Variants in C2orf42 observed in about 807,000 individuals in gnomAD.
C2orf42 encodes the protein chromosome 2 open reading frame 42, also known as uncharacterized protein C2orf42.
In C2orf42, 44 loss-of-function variants were observed where a neutral mutation model predicts 58.9. That is an observed-to-expected ratio of 0.75 (90% CI 0.59 to 0.96). The LOEUF (loss-of-function observed/expected upper bound fraction) is 0.96. Ranked by LOEUF, C2orf42 falls within the 40% of genes least tolerant of loss-of-function variation. C2orf42 has a pLI of 0.00. For missense variants in C2orf42, 630 were observed against 699.2 expected, an observed-to-expected ratio of 0.90 and a Z score of 1.12; for synonymous variants, 239 against 265.4, an observed-to-expected ratio of 0.90 and a Z score of 0.97.
intron 4 of C2orf42, among the ~76,000 whole-genome samples, chr2:70,178,400 A>C (rs1156596935): frequency 3.9e-5 from 6 of 152,158 alleles, no homozygotes; most frequent in African/African-American, 1.4e-4. Flanking sequence ...TGAGGTCAGG[A>C]GTTCAAGACC....
intron 1 of C2orf42, 122 bp from the exon 2 acceptor site, chr2:70,183,057 T>C (rs1674680775): frequency 6.6e-6 from 1 of 152,096 alleles, no homozygotes; most frequent in Non-Finnish European, 1.5e-5. Flanking sequence ...TTGACAGAAA[T>C]GATTATGGAA....
Position 70,186,550 on chromosome 2 carries a change from C to T in C2orf42, c.-281-3615G>A, listed in dbSNP as rs900896649. 2.6e-5 allele frequency among the ~76,000 whole-genome samples: 4 copies of T among 152,282 alleles called. No homozygotes were observed. The East Asian group carries it at 5.8e-4, about 22-fold the overall frequency. On this transcript the variant is annotated intron_variant, in intron 1 of 9. Transcript: ENST00000264434. ...TCAACCATTGTGGAAGTCAGTGTGG[C>T]GATTCCTCAGGGATCTAGAACTAGA...
intron 6 of C2orf42, among the ~76,000 whole-genome samples, chr2:70,166,294 C>A (rs1380961473): frequency 6.7e-6 from 1 of 149,630 alleles, no homozygotes; most frequent in Non-Finnish European, 1.5e-5. Flanking sequence ...GTTGAGGCTG[C>A]AGTAAGCCAT....
At chr2:70,184,634 C>G (rs566738635) in intron 1 of C2orf42, among the ~76,000 whole-genome samples, 5 of 151,710 alleles carry the variant, frequency 3.3e-5, no homozygotes, top group African/African-American at 1.2e-4. Flanking sequence ...GTACGTGCCA[C>G]TACACTCAGC....
rs749997930 is a variant in C2orf42, at chr2:70,150,572, G to A, written c.1517-8C>T. On this transcript the variant is annotated splice_region_variant and splice_polypyrimidine_tract_variant and intron_variant, in intron 9 of 9. Coordinates refer to ENST00000264434, the MANE Select transcript of C2orf42 (RefSeq NM_017880.3). ...GATCTGGGGAAGTGTTGCCTAAAGA[G>A]AAGAAAGGAGTATTAGTACAATTCC... is the stretch of plus-strand genomic sequence containing the variant. 1 of 1,603,122 alleles carries A rather than the reference G, an allele frequency of 6.2e-7. No homozygotes were observed. The highest frequency in any genetic ancestry group is 8.5e-7 in the Non-Finnish European group (1 of 1,170,108).
At chr2:70,155,875 G>T (rs1672636393) in intron 9 of C2orf42, among the ~76,000 whole-genome samples, 1 of 151,858 alleles carries the variant, frequency 6.6e-6, no homozygotes, top group Non-Finnish European at 1.5e-5. Context: ...GGTATCACTG[G>T]CCGAGTGCAG....
At chr2:70,166,248 G>T (rs920027690) in intron 6 of C2orf42, among the ~76,000 whole-genome samples, 3 of 151,452 alleles carry the variant, frequency 2.0e-5, no homozygotes, top group Non-Finnish European at 4.4e-5. Flanking sequence ...CAGCTACTTG[G>T]GAGGCTGAGG....
intron 1 of C2orf42, among the ~76,000 whole-genome samples, 156 bp from the exon 2 acceptor site, chr2:70,183,091 C>CA (rs1674683610): frequency 6.6e-6 from 1 of 151,972 alleles, no homozygotes; most frequent in South Asian, 2.1e-4. Flanking sequence ...TTTGTACTTC[C>CA]AACTGTAAGG....
chr2:70,155,996 A>G lies in C2orf42; in HGVS notation c.1516+4629T>C, dbSNP rs141161635. 8.9e-3 allele frequency among the ~76,000 whole-genome samples: 1,358 copies of G among 151,824 alleles called. 18 individuals are homozygous for G. The highest frequency in any genetic ancestry group is 0.03 in the African/African-American group (1,256 of 41,398). On this transcript the variant is annotated intron_variant, in intron 9 of 9. Transcript: ENST00000264434. ...TGTGGAGAAACCCCATCTCTACTAA[A>G]AATACAAAATTAGCTGGGCATGGTG...
At chr2:70,163,431 G>A (rs1240841342) in intron 8 of C2orf42, among the ~76,000 whole-genome samples, 1 of 151,634 alleles carries the variant, frequency 6.6e-6, no homozygotes, top group African/African-American at 2.4e-5. Context: ...ATTTTTAGTA[G>A]AGACGGGGTT....
intron 5 of C2orf42, among the ~76,000 whole-genome samples, chr2:70,175,321 C>G (rs531552256): frequency 1.3e-5 from 2 of 152,160 alleles, no homozygotes; most frequent in Non-Finnish European, 2.9e-5. Context: ...CCTCTCACCC[C>G]CTTCCACCTT....
rs573447833 is a variant in C2orf42, at chr2:70,153,507, C to T, written c.1517-2943G>A. Among the ~76,000 whole-genome samples, 168 of 150,958 alleles carry T rather than the reference C, an allele frequency of 1.1e-3. 1 individual carries two copies. The highest frequency in any genetic ancestry group is 3.9e-3 in the African/African-American group (160 of 41,214). ...CTGAGTAGCTGGGACTACAGGCGCC[C>T]GCCACCACGCCCAGCTAATTTTTTT... On this transcript the variant is annotated intron_variant, in intron 9 of 9. Transcript: ENST00000264434.
At position 70,165,179 on chromosome 2, in the gene C2orf42, T is replaced by C. The variant is rs770142151; in HGVS notation, c.1266A>G (p.Lys422=). 1.2e-5 allele frequency: 20 copies of C among 1,602,368 alleles called. No homozygotes were observed. The highest frequency in any genetic ancestry group is 1.6e-5 in the Non-Finnish European group (19 of 1,172,948). The change falls in exon 8 of 10, where the codon AAA becomes AAG. Residue 422 remains lysine (K), a synonymous_variant. Coordinates refer to ENST00000264434, the MANE Select transcript of C2orf42 (RefSeq NM_017880.3). ...AAAAGGTTCCCAGTGGCAAGGCATC[T>C]TTCCGAACAAAAGCTTCAACGTGAA... ...LPNSTTAFVR[K]DALPLGTFSK...
chr2:70,181,422 G>T lies in C2orf42; in HGVS notation c.564C>A (p.Ile188=). The T allele has an allele frequency of 6.2e-7, 1 of 1,614,126 alleles. No individual in the cohort carries two copies. The highest frequency in any genetic ancestry group is 8.5e-7 in the Non-Finnish European group (1 of 1,180,008). ...GPLVQRITKN[I]LVVKCKASQK... ...GGCTTGCCTTGCATTTCACCACCAAGATGTTTTTAGTAATTCTCTGCACCA... is the reference window on the plus strand; with the variant it reads ...GGCTTGCCTTGCATTTCACCACCAATATGTTTTTAGTAATTCTCTGCACCA... The change falls in exon 3 of 10, where the codon ATC becomes ATA. Residue 188 remains isoleucine (I), a synonymous_variant. Transcript: ENST00000264434.
chr2:70,157,239 G>A (rs1049382294), intron 9 of C2orf42, among the ~76,000 whole-genome samples: 13 of 151,940 alleles, frequency 8.6e-5, no homozygotes, highest in Non-Finnish European at 4.4e-5. Flanking sequence ...TGGATCACGA[G>A]GTCAGGAGAT....
Position 70,150,583 on chromosome 2 carries a change from T to A in C2orf42, c.1517-19A>T. 6.3e-7 allele frequency: 1 copy of A among 1,583,830 alleles called. No homozygotes were observed. Among genetic ancestry groups the A allele is most frequent in the Non-Finnish European group, 8.7e-7 (1 of 1,152,640 alleles). ...GTGTTGCCTAAAGAGAAGAAAGGAG[T>A]ATTAGTACAATTCCACCTAACTCTA... is the stretch of plus-strand genomic sequence containing the variant. On this transcript the variant is annotated intron_variant, in intron 9 of 9. Coordinates refer to ENST00000264434, the MANE Select transcript of C2orf42 (RefSeq NM_017880.3).
intron 7 of C2orf42, 29 bp from the exon 8 acceptor site, chr2:70,165,221 A>G (rs764329859): frequency 8.0e-7 from 1 of 1,252,084 alleles, no homozygotes; most frequent in East Asian, 2.3e-5. Context: ...ACAAAATTAG[A>G]TTACCAAAAA....
At chr2:70,173,808 T>C (rs1673999190) in intron 5 of C2orf42, among the ~76,000 whole-genome samples, 1 of 151,548 alleles carries the variant, frequency 6.6e-6, no homozygotes, top group Non-Finnish European at 1.5e-5. Flanking sequence ...TTGTGTTTTT[T>C]TTGGTAGAGA....
chr2:70,179,775 CA>C (rs1426154518), intron 3 of C2orf42, 133 bp from the exon 4 acceptor site: 3 of 436,590 alleles, frequency 6.9e-6, no homozygotes, highest in African/African-American at 6.0e-5. Context: ...GCAACATAGG[CA>C]GACCCCAACT....
Sources: allele counts gnomAD v4.1 joint callset (sites outside exome capture counted in the v4.1 genomes callset), GRCh38; gene constraint gnomAD v4.1.1; transcripts MANE v1.5; gene names NCBI Gene and HGNC (gene_info 2026-07-23, HGNC 2026-07-21).